The following ACTN1 variants were observed in gnomAD, a reference collection of about 807,000 sequenced individuals.
ACTN1 encodes alpha-actinin-1.
ACTN1 carries 30 observed loss-of-function variants against 119.6 expected under a neutral mutation model. That is an observed-to-expected ratio of 0.25 (90% CI 0.19 to 0.34). ACTN1 has a LOEUF of 0.34. Among genes scored for constraint, ACTN1 ranks in the 10% least tolerant of loss-of-function variants. The pLI, the probability that ACTN1 is intolerant of heterozygous loss-of-function variation, is 1.00. For missense variants in ACTN1, 764 were observed against 1,223.4 expected (o/e 0.62, Z 5.60); for synonymous variants, 429 against 472.6 (o/e 0.91, Z 1.20).
At chr14:68,978,326 C>A in intron 1 of ACTN1, 2 of 398,322 alleles carry the variant, frequency 5.0e-6, no homozygotes, top group Non-Finnish European at 1.0e-5. Context: ...ACCCCGCCCC[C>A]ACAGGGCCCG....
At chr14:68,875,212 A>T in intron 21 of ACTN1, 195 bp from the exon 22 acceptor site, 2 of 1,440,196 alleles carry the variant, frequency 1.4e-6, no homozygotes, top group Non-Finnish European at 1.8e-6. Flanking sequence ...GTATTTTTAA[A>T]ATTCTCTCAG....
chr14:68,881,936 C>CTTTTTTTT lies in ACTN1; in HGVS notation c.1953+514_1953+521dup, dbSNP rs781067137. The stretch of plus-strand genomic sequence containing the variant: ...AGTATGGGACTTTCATAGGCAGCTT[C>CTTTTTTTT]TTTTTTTTTTTTTTTTTTTGACAGA... On this transcript the variant is annotated intron_variant, in intron 16 of 21. Coordinates refer to ENST00000394419, the MANE Select transcript of ACTN1 (RefSeq NM_001130004.2). Among the ~76,000 whole-genome samples, 115 of 58,384 alleles carry CTTTTTTTT rather than the reference C, an allele frequency of 2.0e-3. 7 individuals are homozygous for CTTTTTTTT. The highest frequency in any genetic ancestry group is 8.6e-3 in the Middle Eastern group (1 of 116). 38.3% of individuals were successfully genotyped at this position (58,384 alleles called of 152,430 possible). A position where few individuals can be genotyped will look rare whatever the true frequency, so the allele number is the denominator to read the frequency against.
chr14:68,885,111 G>A lies in ACTN1; in HGVS notation c.1386-228C>T, dbSNP rs2031887064. Reference sequence around the variant, plus strand: ...CCAGTCATGGCTGGAGGTGACACCAGCCTTCACCTCAATGGCCAATGGCAG... The same window carrying A: ...CCAGTCATGGCTGGAGGTGACACCAACCTTCACCTCAATGGCCAATGGCAG... On this transcript the variant is annotated intron_variant, in intron 12 of 21. Coordinates refer to ENST00000394419, the MANE Select transcript of ACTN1 (RefSeq NM_001130004.2). The surrounding 1 kb of genome is among the most constrained non-coding windows in gnomAD (Gnocchi z 5.6). Among the ~76,000 whole-genome samples, 1 of 152,110 alleles carries A rather than the reference G, an allele frequency of 6.6e-6. No homozygotes were observed. The highest frequency in any genetic ancestry group is 2.1e-4 in the South Asian group (1 of 4,822).
rs1216060270 is a variant in ACTN1, at chr14:68,894,516, C to T, written c.763-769G>A. On this transcript the variant is annotated intron_variant, in intron 8 of 21. Transcript: ENST00000394419. Reference sequence around the variant, plus strand: ...AGACTAAGAAACCTTAGTGGGAGAGCGCCTTCTGCAGCTGTGGGGGCTACT... The same window carrying T: ...AGACTAAGAAACCTTAGTGGGAGAGTGCCTTCTGCAGCTGTGGGGGCTACT... 3.3e-5 allele frequency among the ~76,000 whole-genome samples: 5 copies of T among 152,322 alleles called. No homozygotes were observed. In the South Asian group the frequency reaches 6.2e-4, roughly 19 times the overall value.
At chr14:68,899,146 T>TACACCTCACACCACACAC (rs2033110359) in intron 8 of ACTN1, among the ~76,000 whole-genome samples, 1 of 65,936 alleles carries the variant, frequency 1.5e-5, no homozygotes, top group Non-Finnish European at 3.0e-5. Flanking sequence ...CACCTCACCC[T>TACACCTCACACCACACAC]ACACCTCACA....
At chr14:68,975,469 G>A (rs1334931486) in intron 1 of ACTN1, among the ~76,000 whole-genome samples, 1 of 152,196 alleles carries the variant, frequency 6.6e-6, no homozygotes. Flanking sequence ...GACTCAGAGA[G>A]GAACTTGCCC....
At chr14:68,965,554 C>G (rs1410098604) in intron 1 of ACTN1, among the ~76,000 whole-genome samples, 1 of 152,258 alleles carries the variant, frequency 6.6e-6, no homozygotes, top group Non-Finnish European at 1.5e-5. Flanking sequence ...TCCCCACCCC[C>G]AGACACACCT....
At chr14:68,884,125 G>GC (rs1379000692) in intron 14 of ACTN1, 43 bp downstream of exon 14, 1 of 1,583,230 alleles carries the variant, frequency 6.3e-7, no homozygotes, top group African/African-American at 1.3e-5. Context: ...TGGGCCAGGG[G>GC]CCCCAGGGGA....
Position 68,878,030 on chromosome 14 carries a change from G to A in ACTN1, c.2427+428C>T, listed in dbSNP as rs560384057. On this transcript the variant is annotated intron_variant, in intron 20 of 21. Transcript: ENST00000394419. The surrounding 1 kb of genome is among the most constrained non-coding windows in gnomAD (Gnocchi z 4.4). ...CTAGGAAGGTTGGGGGGTGGGGGAC[G>A]GCCTGGGACAATCCAGAGGGGCGGC... 144 of 172,578 alleles carry A rather than the reference G, an allele frequency of 8.3e-4. 1 individual carries two copies. The highest frequency in any genetic ancestry group is 3.2e-3 in the African/African-American group (135 of 41,964). The allele number at this position is 172,578 out of a possible 1,614,324, so 10.7% of individuals were successfully genotyped here. A position where few individuals can be genotyped will look rare whatever the true frequency, so the allele number is the denominator to read the frequency against.
chr14:68,908,010 CTT>C (rs112626957), intron 6 of ACTN1, among the ~76,000 whole-genome samples: 4 of 146,890 alleles, frequency 2.7e-5, no homozygotes, highest in Middle Eastern at 3.5e-3. Flanking sequence ...GGAAGGTTCT[CTT>C]TTTTTTTTTT....
rs1015876409 is a variant in ACTN1, at chr14:68,874,847, G to A, written c.*12C>T. ...CACGGCGCACAAGACGAGGGCGGCC[G>A]GGCGGGGTGGATTAGAGGTCACTCT... On this transcript the variant is annotated 3_prime_UTR_variant, in exon 22 of 22. Transcript: ENST00000394419. The A allele has an allele frequency of 1.2e-5, 19 of 1,560,028 alleles. No homozygotes were observed. Among genetic ancestry groups the A allele is most frequent in the Middle Eastern group, 1.9e-4 (1 of 5,334 alleles).
chr14:68,977,570 T>C (rs2037101499), intron 1 of ACTN1: 2 of 225,062 alleles, frequency 8.9e-6, no homozygotes, highest in South Asian at 1.0e-4. Flanking sequence ...GTGTTTTAGA[T>C]TACCTCTGCC....
chr14:68,909,177 T>C lies in ACTN1; in HGVS notation c.594+141A>G, dbSNP rs756005326. 23 of 765,138 alleles carry C rather than the reference T, an allele frequency of 3.0e-5. No individual in the cohort carries two copies. Among genetic ancestry groups the C allele is most frequent in the East Asian group, 5.5e-5 (2 of 36,046 alleles). The allele number at this position is 765,138 out of a possible 1,614,324, so 47.4% of individuals were successfully genotyped here. ...GAAGGTGTTTTCTCTTCACTTTCAG[T>C]TGGGGCTCTGTCTGGCTATTCTAAG... On this transcript the variant is annotated intron_variant, in intron 6 of 21. Coordinates refer to ENST00000394419, the MANE Select transcript of ACTN1 (RefSeq NM_001130004.2). This position sits in a 1 kb window ranked among gnomAD's most constrained non-coding sequence, Gnocchi z 4.1.
chr14:68,900,254 A>AC (rs1400198175), intron 8 of ACTN1, among the ~76,000 whole-genome samples: 1 of 152,112 alleles, frequency 6.6e-6, no homozygotes, highest in Admixed American at 6.5e-5. Context: ...TTGTTAGAAG[A>AC]CATTTTCACT....
chr14:68,884,853 G>C lies in ACTN1; in HGVS notation c.1416C>G (p.Val472=), dbSNP rs1186664365. The part of the protein sequence containing the change: ...NELDYYDSPS[V]NARCQKICDQ... ...CACAGATCTTTTGGCAACGGGCGTT[G>C]ACACTGGGTGAGTCATAATAGTCCA... Residue 472 remains valine (V), a synonymous_variant, in exon 13 of 22, where the codon GTC becomes GTG. Transcript: ENST00000394419. 3 of 1,614,160 alleles carry C rather than the reference G, an allele frequency of 1.9e-6. No homozygotes were observed. In the South Asian group the frequency reaches 3.3e-5, roughly 18 times the overall value.
intron 1 of ACTN1, among the ~76,000 whole-genome samples, chr14:68,965,362 C>A (rs1224903968): frequency 1.3e-5 from 2 of 152,248 alleles, no homozygotes; most frequent in African/African-American, 4.8e-5. Flanking sequence ...CACCTATTGA[C>A]ACCAGTCCCT....
At position 68,909,327 on chromosome 14, in the gene ACTN1, C is replaced by T; in HGVS notation, c.585G>A (p.Lys195=). The part of the protein sequence containing the change: ...RHRPELIDYG[K]LRKDDPLTNL... Reference sequence around the variant, plus strand: ...AGGTGGGCACACATACCTTCCGCAGCTTCCCGTAGTCAATCAGCTCGGGCC... The same window carrying T: ...AGGTGGGCACACATACCTTCCGCAGTTTCCCGTAGTCAATCAGCTCGGGCC... Residue 195 remains lysine, a synonymous_variant, in exon 6 of 22, where the codon AAG becomes AAA. Transcript: ENST00000394419. The surrounding 1 kb of genome is among the most constrained non-coding windows in gnomAD (Gnocchi z 4.1). The T allele has an allele frequency of 6.2e-7, 1 of 1,614,012 alleles. No homozygotes were observed. Among genetic ancestry groups the T allele is most frequent in the Non-Finnish European group, 8.5e-7 (1 of 1,179,986 alleles).
chr14:68,878,278 C>T lies in ACTN1; in HGVS notation c.2427+180G>A, dbSNP rs569019358. 10 of 818,560 alleles carry T rather than the reference C, an allele frequency of 1.2e-5. No individual in the cohort carries two copies. The highest frequency in any genetic ancestry group is 2.1e-5 in the South Asian group (1 of 46,786). The allele number at this position is 818,560 out of a possible 1,614,324, so 50.7% of individuals were successfully genotyped here. A position where few individuals can be genotyped will look rare whatever the true frequency, so the allele number is the denominator to read the frequency against. On this transcript the variant is annotated intron_variant, in intron 20 of 21. Coordinates refer to ENST00000394419, the MANE Select transcript of ACTN1 (RefSeq NM_001130004.2). This position sits in a 1 kb window ranked among gnomAD's most constrained non-coding sequence, Gnocchi z 4.4. ...AGGTCAGGCCTCCCGGATACACACA[C>T]GCCCGTGGCCGGGCCGGCTTTCAGG...
chr14:68,896,445 G>T (rs1387976544), intron 8 of ACTN1, among the ~76,000 whole-genome samples: 1 of 152,142 alleles, frequency 6.6e-6, no homozygotes, highest in Non-Finnish European at 1.5e-5. Flanking sequence ...GGGAGCAGAA[G>T]GAAAGGCCGC....
Sources: gnomAD v4.1 joint callset for allele counts (sites outside exome capture counted in the v4.1 genomes callset) on GRCh38, gnomAD v4.1.1 for gene constraint, Gnocchi (gnomAD v3.1) non-coding constraint, MANE v1.5 for transcripts, NCBI Gene and HGNC (gene_info 2026-07-23, HGNC 2026-07-21) for gene names.